SPATA16: variants seen among roughly 807,000 people sequenced by gnomAD.
SPATA16 encodes spermatogenesis associated 16, also known as spermatogenesis-associated protein 16.
Under a neutral mutation model 63.3 loss-of-function variants are expected in SPATA16, and 36 were observed. The ratio of observed to expected loss-of-function variants is 0.57; its 90% CI spans 0.44 to 0.75. SPATA16 has a LOEUF of 0.75. SPATA16 is among the 30% of genes least tolerant of loss of function. The pLI, the probability that SPATA16 is intolerant of heterozygous loss-of-function variation, is 0.00. For synonymous variants in SPATA16, 203 were observed against 216.7 expected (o/e 0.94, Z 0.56); for missense variants, 646 against 679.3 (o/e 0.95, Z 0.54).
At chr3:172,912,901 A>G (rs906944153) in intron 10 of SPATA16, among the ~76,000 whole-genome samples, 1 of 152,182 alleles carries the variant, frequency 6.6e-6, no homozygotes, top group Non-Finnish European at 1.5e-5. Context: ...ATTACAAAAG[A>G]CACGTGTTTC....
chr3:172,985,741 TC>T (rs1734439115), intron 4 of SPATA16, among the ~76,000 whole-genome samples: 1 of 152,124 alleles, frequency 6.6e-6, no homozygotes, highest in African/African-American at 2.4e-5. Flanking sequence ...CAGGGACATA[TC>T]ACATGCTAGG....
At chr3:173,044,990 A>G (rs1363984878) in intron 3 of SPATA16, among the ~76,000 whole-genome samples, 2 of 152,062 alleles carry the variant, frequency 1.3e-5, no homozygotes, top group African/African-American at 2.4e-5. Context: ...CTTTACCCTA[A>G]TACTCCAACA....
chr3:173,043,735 A>T (rs1735899495), intron 3 of SPATA16, among the ~76,000 whole-genome samples: 1 of 151,834 alleles, frequency 6.6e-6, no homozygotes, highest in South Asian at 2.1e-4. Context: ...TACAAGTTTC[A>T]ATCTATTGCC....
chr3:172,892,292 AAC>A (rs1227203881), intron 10 of SPATA16, among the ~76,000 whole-genome samples: 6 of 152,206 alleles, frequency 3.9e-5, no homozygotes, highest in Non-Finnish European at 8.8e-5. Flanking sequence ...GTTGGCTTCT[AAC>A]ACTGCTCTGT....
At chr3:173,100,383 A>G (rs746642585) in intron 2 of SPATA16, among the ~76,000 whole-genome samples, 1 of 152,176 alleles carries the variant, frequency 6.6e-6, no homozygotes, top group Non-Finnish European at 1.5e-5. Context: ...CCATTGCTGA[A>G]TGAAATTTTA....
intron 4 of SPATA16, among the ~76,000 whole-genome samples, chr3:173,006,492 T>A (rs375306825): frequency 1.1e-4 from 16 of 152,370 alleles, no homozygotes; most frequent in African/African-American, 3.8e-4. Context: ...GATGAATGAA[T>A]GCATCTTAGA....
intron 2 of SPATA16, among the ~76,000 whole-genome samples, chr3:173,080,156 G>A (rs1314307723): frequency 6.6e-6 from 1 of 152,190 alleles, no homozygotes; most frequent in Non-Finnish European, 1.5e-5. Flanking sequence ...AAGTCTAGGA[G>A]AGGACAGAAC....
rs143146040 is a variant in SPATA16, at chr3:173,059,652, T to G, written c.613-10558A>C. ...GATTAGACCTTTTTTGCATATTTGT[T>G]ACTCATTATATTTAATCATTTATGG... is the stretch of plus-strand genomic sequence containing the variant. On this transcript the variant is annotated intron_variant, in intron 2 of 10. Coordinates refer to ENST00000351008, the MANE Select transcript of SPATA16 (RefSeq NM_031955.6). Among the ~76,000 whole-genome samples the G allele has an allele frequency of 3.9e-3, 590 of 152,084 alleles. 4 individuals carry two copies. The highest frequency in any genetic ancestry group is 0.014 in the African/African-American group (573 of 41,550).
At chr3:173,020,856 A>G (rs1333765958) in intron 3 of SPATA16, among the ~76,000 whole-genome samples, 2 of 152,154 alleles carry the variant, frequency 1.3e-5, no homozygotes, top group African/African-American at 2.4e-5. Context: ...TTGTGAGCCT[A>G]TTTTTACAAG....
At chr3:173,078,747 G>A (rs1342016438) in intron 2 of SPATA16, among the ~76,000 whole-genome samples, 1 of 152,142 alleles carries the variant, frequency 6.6e-6, no homozygotes, top group East Asian at 1.9e-4. Flanking sequence ...AATGAGAATT[G>A]TTTTTTCCCT....
chr3:172,924,198 A>G lies in SPATA16; in HGVS notation c.1338+10T>C. On this transcript the variant is annotated intron_variant, in intron 8 of 10. Transcript: ENST00000351008. Reference sequence around the variant, plus strand: ...TACATTGGACAAATATAAAAGACTCATATACCTACATTCAATTGGGTGCTT... The same window carrying G: ...TACATTGGACAAATATAAAAGACTCGTATACCTACATTCAATTGGGTGCTT... 6.3e-7 allele frequency: 1 copy of G among 1,587,862 alleles called. No individual in the cohort carries two copies. The highest frequency in any genetic ancestry group is 8.6e-7 in the Non-Finnish European group (1 of 1,156,912).
intron 10 of SPATA16, among the ~76,000 whole-genome samples, chr3:172,894,184 G>C (rs1731956661): frequency 1.3e-5 from 2 of 152,112 alleles, no homozygotes; most frequent in African/African-American, 4.8e-5. Flanking sequence ...TTTATTTCCA[G>C]ACCAAAAGCT....
intron 1 of SPATA16, among the ~76,000 whole-genome samples, chr3:173,133,470 G>C (rs1373337469): frequency 6.6e-6 from 1 of 152,118 alleles, no homozygotes; most frequent in Non-Finnish European, 1.5e-5. Context: ...CTGGTTCTGA[G>C]ATAAGTGAAC....
intron 4 of SPATA16, among the ~76,000 whole-genome samples, chr3:172,993,202 GAAA>G (rs71965210): frequency 6.8e-6 from 1 of 147,660 alleles, no homozygotes; most frequent in Admixed American, 6.8e-5. Context: ...AAATATTAGT[GAAA>G]AAAAAAAGAG....
chr3:173,108,455 G>C (rs187352853), intron 2 of SPATA16, among the ~76,000 whole-genome samples: 1 of 152,282 alleles, frequency 6.6e-6, no homozygotes, highest in Admixed American at 6.5e-5. Context: ...AGGAAGTGAT[G>C]AGTATTTTCA....
intron 3 of SPATA16, among the ~76,000 whole-genome samples, chr3:173,043,845 AT>A (rs199617977): frequency 0.015 from 2,246 of 152,194 alleles, 49 homozygotes; most frequent in African/African-American, 0.049. Flanking sequence ...TTTTATTTAT[AT>A]GAAAATATTT....
intron 3 of SPATA16, among the ~76,000 whole-genome samples, chr3:173,036,514 C>G (rs1342132672): frequency 6.6e-6 from 1 of 151,872 alleles, no homozygotes. Flanking sequence ...GATAAACAAT[C>G]CAATCAAAGT....
chr3:173,023,081 T>G (rs1226387570), intron 3 of SPATA16, among the ~76,000 whole-genome samples: 1 of 151,962 alleles, frequency 6.6e-6, no homozygotes, highest in African/African-American at 2.4e-5. Flanking sequence ...TTTCTATTTG[T>G]GGATACTTTA....
chr3:173,020,504 A>G (rs1735301611), intron 3 of SPATA16, among the ~76,000 whole-genome samples: 1 of 152,130 alleles, frequency 6.6e-6, no homozygotes, highest in African/African-American at 2.4e-5. Flanking sequence ...TGACTTGTGG[A>G]TAAGATGAAC....
Sources: allele counts gnomAD v4.1 joint callset (sites outside exome capture counted in the v4.1 genomes callset), GRCh38; gene constraint gnomAD v4.1.1; transcripts MANE v1.5; gene names NCBI Gene and HGNC (gene_info 2026-07-23, HGNC 2026-07-21).